The following GRM7 variants were observed in gnomAD, a reference collection of about 807,000 sequenced individuals.
GRM7 encodes metabotropic glutamate receptor 7.
GRM7 carries 35 observed loss-of-function variants against 84.5 expected under a neutral mutation model. The observed-to-expected ratio is 0.41, with a 90% CI of 0.32 to 0.55. The LOEUF is 0.55. Ranked by LOEUF, GRM7 falls within the 20% of genes least tolerant of loss-of-function variation. GRM7 has a pLI of 0.19. For synonymous variants in GRM7, 487 were observed against 455.1 expected (o/e 1.07, Z -0.89); for missense variants, 1,003 against 1,194.6 (o/e 0.84, Z 2.36).
intron 1 of GRM7, among the ~76,000 whole-genome samples, chr3:6,980,881 G>A (rs138574217): frequency 6.5e-4 from 99 of 152,344 alleles, no homozygotes; most frequent in African/African-American, 2.3e-3. Context: ...GATTAGGTGA[G>A]ATGATCCCTC....
intron 4 of GRM7, among the ~76,000 whole-genome samples, chr3:7,365,698 C>T (rs116728874): frequency 0.078 from 11,468 of 146,562 alleles, 472 homozygotes; most frequent in Non-Finnish European, 0.09. Flanking sequence ...TATATATACA[C>T]ATATATATGG....
chr3:7,531,581 T>C (rs1236348078), intron 7 of GRM7, among the ~76,000 whole-genome samples: 5 of 152,182 alleles, frequency 3.3e-5, no homozygotes, highest in Non-Finnish European at 7.3e-5. Context: ...CAATTGTCAA[T>C]GGGAGTTCAC....
intron 7 of GRM7, among the ~76,000 whole-genome samples, chr3:7,500,056 G>T (rs1355940325): frequency 6.6e-6 from 1 of 152,048 alleles, no homozygotes; most frequent in African/African-American, 2.4e-5. Flanking sequence ...TTACAGGCAT[G>T]GACACCATTC....
At chr3:7,736,092 T>C (rs1196938614) in intron 9 of GRM7, among the ~76,000 whole-genome samples, 1 of 152,214 alleles carries the variant, frequency 6.6e-6, no homozygotes, top group Non-Finnish European at 1.5e-5. Flanking sequence ...CATTAAATGC[T>C]ATCTTATTAA....
chr3:7,088,327 C>G (rs1258701833), intron 1 of GRM7, among the ~76,000 whole-genome samples: 1 of 152,108 alleles, frequency 6.6e-6, no homozygotes. Flanking sequence ...GCAATGAACT[C>G]AAATATGCCT....
At chr3:7,423,194 C>T (rs1257149137) in intron 5 of GRM7, among the ~76,000 whole-genome samples, 1 of 152,202 alleles carries the variant, frequency 6.6e-6, no homozygotes, top group Non-Finnish European at 1.5e-5. Context: ...TCACCCATAG[C>T]AACTGTGTTT....
intron 7 of GRM7, among the ~76,000 whole-genome samples, chr3:7,548,492 C>G (rs746215194): frequency 6.6e-6 from 1 of 152,216 alleles, no homozygotes; most frequent in African/African-American, 2.4e-5. Flanking sequence ...GCAACACAAA[C>G]AGACTAAGAC....
chr3:7,119,159 C>A (rs1693137387), intron 1 of GRM7, among the ~76,000 whole-genome samples: 1 of 152,098 alleles, frequency 6.6e-6, no homozygotes, highest in South Asian at 2.1e-4. Flanking sequence ...TCAGATTATT[C>A]TGGCATTCCA....
At chr3:7,679,505 A>G (rs1294593922) in intron 8 of GRM7, among the ~76,000 whole-genome samples, 1 of 152,064 alleles carries the variant, frequency 6.6e-6, no homozygotes, top group Non-Finnish European at 1.5e-5. Context: ...AGAATTAAGC[A>G]AGAAGATCTT....
At chr3:6,993,122 GA>G (rs1310151915) in intron 1 of GRM7, among the ~76,000 whole-genome samples, 1 of 152,196 alleles carries the variant, frequency 6.6e-6, no homozygotes, top group African/African-American at 2.4e-5. Context: ...CAGCAGGAAA[GA>G]AAACAAGAAT....
intron 4 of GRM7, among the ~76,000 whole-genome samples, chr3:7,389,342 A>G (rs1370618206): frequency 6.6e-6 from 1 of 152,058 alleles, no homozygotes; most frequent in Non-Finnish European, 1.5e-5. Flanking sequence ...GAGAAGTTAT[A>G]TTCTGGTTGT....
At chr3:7,228,050 A>G (rs1427449544) in intron 2 of GRM7, among the ~76,000 whole-genome samples, 1 of 152,168 alleles carries the variant, frequency 6.6e-6, no homozygotes, top group Non-Finnish European at 1.5e-5. Context: ...GATGTCTGTG[A>G]TTAGCTCTAA....
intron 7 of GRM7, among the ~76,000 whole-genome samples, chr3:7,522,792 C>G (rs1302852525): frequency 6.6e-6 from 1 of 152,110 alleles, no homozygotes; most frequent in Non-Finnish European, 1.5e-5. Context: ...AAGTCCTAAC[C>G]CCCAATGTAT....
At chr3:7,099,839 A>G (rs903981421) in intron 1 of GRM7, among the ~76,000 whole-genome samples, 1 of 139,094 alleles carries the variant, frequency 7.2e-6, no homozygotes, top group African/African-American at 2.8e-5. Context: ...ATGTATATGT[A>G]CACGCATTAT....
At chr3:7,698,211 A>T (rs1701092404) in intron 9 of GRM7, among the ~76,000 whole-genome samples, 1 of 152,174 alleles carries the variant, frequency 6.6e-6, no homozygotes, top group Non-Finnish European at 1.5e-5. Context: ...CTATGGCTTA[A>T]AGATGAGGCA....
chr3:7,543,797 C>T (rs1033476116), intron 7 of GRM7, among the ~76,000 whole-genome samples: 6 of 152,252 alleles, frequency 3.9e-5, no homozygotes, highest in Admixed American at 3.3e-4. Flanking sequence ...CCTCAAGGGA[C>T]AGAAAACAAA....
chr3:7,194,057 C>T (rs1040363622), intron 2 of GRM7, among the ~76,000 whole-genome samples: 1 of 152,116 alleles, frequency 6.6e-6, no homozygotes, highest in African/African-American at 2.4e-5. Context: ...AAGAGACATG[C>T]TCTCTTTACA....
chr3:7,200,292 G>A (rs778787523), intron 2 of GRM7, among the ~76,000 whole-genome samples: 2 of 152,148 alleles, frequency 1.3e-5, no homozygotes, highest in Non-Finnish European at 2.9e-5. Flanking sequence ...ACTTTTGATG[G>A]GAACAAACCA....
At chr3:7,731,385 G>C (rs1702327138) in intron 9 of GRM7, among the ~76,000 whole-genome samples, 1 of 152,208 alleles carries the variant, frequency 6.6e-6, no homozygotes, top group Non-Finnish European at 1.5e-5. Flanking sequence ...CCCTCCTAGA[G>C]CTGACAATGA....
Sources: gnomAD v4.1 joint callset for allele counts (sites outside exome capture counted in the v4.1 genomes callset) on GRCh38, gnomAD v4.1.1 for gene constraint, MANE v1.5 for transcripts, NCBI Gene and HGNC (gene_info 2026-07-23, HGNC 2026-07-21) for gene names.